BMAL2: variants seen among roughly 807,000 people sequenced by gnomAD.
The protein encoded by BMAL2 is basic helix-loop-helix ARNT like 2.
the BMAL2 span, among the ~76,000 whole-genome samples, chr12:27,397,763 C>T: frequency 6.6e-6 from 1 of 152,148 alleles, no homozygotes; most frequent in African/African-American, 2.4e-5. Flanking sequence ...AAATCGCAGG[C>T]TGATGAAGGA....
At chr12:27,336,911 C>T in the BMAL2 span, among the ~76,000 whole-genome samples, 27 of 142,900 alleles carry the variant, frequency 1.9e-4, no homozygotes, top group Non-Finnish European at 7.5e-5. Flanking sequence ...GATCATTCCA[C>T]TGCACTCCAG....
At chr12:27,418,240 A>AC in the BMAL2 span, 4 of 1,294,614 alleles carry the variant, frequency 3.1e-6, no homozygotes, top group Non-Finnish European at 4.4e-6. Context: ...GTTTATCAAA[A>AC]CCCCCCTCTT....
At chr12:27,421,646 T>C in the BMAL2 span, 2 of 152,102 alleles carry the variant, frequency 1.3e-5, 1 homozygote, top group African/African-American at 4.8e-5. Context: ...AAAGATTTAA[T>C]ATAATCACTG....
the BMAL2 span, chr12:27,421,036 A>G: frequency 2.0e-5 from 3 of 152,954 alleles, no homozygotes; most frequent in South Asian, 6.2e-4. Context: ...AGTGCAATTT[A>G]TAGTCATAAT....
chr12:27,347,512 G>T, the BMAL2 span, among the ~76,000 whole-genome samples: 1 of 152,096 alleles, frequency 6.6e-6, no homozygotes, highest in Admixed American at 6.5e-5. Flanking sequence ...CACAGTAGGT[G>T]CTTGAGGAAT....
At chr12:27,418,223 C>A in the BMAL2 span, 1 of 1,517,770 alleles carries the variant, frequency 6.6e-7, no homozygotes, top group Non-Finnish European at 9.0e-7. Context: ...AACTGCTGAC[C>A]ATTTTCGTTT....
chr12:27,397,175 G>A, the BMAL2 span, among the ~76,000 whole-genome samples: 1 of 152,004 alleles, frequency 6.6e-6, no homozygotes, highest in African/African-American at 2.4e-5. Context: ...GGTTCAAGCC[G>A]TTCTCCTGCT....
the BMAL2 span, among the ~76,000 whole-genome samples, chr12:27,399,065 G>C: frequency 6.6e-6 from 1 of 152,254 alleles, no homozygotes; most frequent in Non-Finnish European, 1.5e-5. Flanking sequence ...GACTGGGTTT[G>C]GGTTGGAAGA....
chr12:27,361,185 A>G, the BMAL2 span, among the ~76,000 whole-genome samples: 9 of 152,288 alleles, frequency 5.9e-5, no homozygotes, highest in East Asian at 1.7e-3. Flanking sequence ...CCCATTTGTA[A>G]CTATGAGCCT....
chr12:27,389,349 T>C, the BMAL2 span: 182 of 1,245,664 alleles, frequency 1.5e-4, 1 homozygote, highest in East Asian at 3.2e-3. Flanking sequence ...AATGATCACC[T>C]AAAAGTTTAG....
At chr12:27,399,614 A>T in the BMAL2 span, among the ~76,000 whole-genome samples, 1 of 152,252 alleles carries the variant, frequency 6.6e-6, no homozygotes, top group Non-Finnish European at 1.5e-5. Flanking sequence ...GACAGTTCAT[A>T]TCATGTTCTA....
At chr12:27,416,868 C>G in the BMAL2 span, among the ~76,000 whole-genome samples, 3 of 152,172 alleles carry the variant, frequency 2.0e-5, no homozygotes, top group African/African-American at 7.2e-5. Context: ...GAGGCTGAGT[C>G]AGGAGGATCA....
At chr12:27,350,510 G>A in the BMAL2 span, among the ~76,000 whole-genome samples, 1 of 152,148 alleles carries the variant, frequency 6.6e-6, no homozygotes, top group Non-Finnish European at 1.5e-5. Flanking sequence ...GCTCAACAAG[G>A]TCTTGTATCT....
chr12:27,365,923 T>G, the BMAL2 span, among the ~76,000 whole-genome samples: 2 of 151,894 alleles, frequency 1.3e-5, no homozygotes, highest in Non-Finnish European at 2.9e-5. Context: ...ATTTCTTAAA[T>G]TATTTACTTA....
chr12:27,425,132 T>G, the BMAL2 span: 1 of 152,206 alleles, frequency 6.6e-6, no homozygotes, highest in Admixed American at 6.5e-5. Flanking sequence ...AGATTTGTCT[T>G]TTATACAATT....
At chr12:27,333,358 T>C in the BMAL2 span, among the ~76,000 whole-genome samples, 6 of 151,868 alleles carry the variant, frequency 4.0e-5, no homozygotes, top group African/African-American at 1.5e-4. Flanking sequence ...CCGCCGGCGC[T>C]CAGGACGCGG....
At chr12:27,387,282 G>T in the BMAL2 span, 1 of 1,611,848 alleles carries the variant, frequency 6.2e-7, no homozygotes. Context: ...AATTCTCTTC[G>T]TTTCTAAGTC....
At chr12:27,385,816 A>G in the BMAL2 span, among the ~76,000 whole-genome samples, 1 of 152,060 alleles carries the variant, frequency 6.6e-6, no homozygotes, top group Non-Finnish European at 1.5e-5. Context: ...ATTTTATACT[A>G]CCCATCTCTC....
chr12:27,362,836 C>G, the BMAL2 span, among the ~76,000 whole-genome samples: 2 of 151,970 alleles, frequency 1.3e-5, no homozygotes, highest in Non-Finnish European at 2.9e-5. Context: ...TTTTAGAAGA[C>G]AGGGTCTCAC....
Sources: gnomAD v4.1 joint callset for allele counts (sites outside exome capture counted in the v4.1 genomes callset) on GRCh38, gnomAD v4.1.1 for gene constraint, MANE v1.5 for transcripts, NCBI Gene and HGNC (gene_info 2026-07-23, HGNC 2026-07-21) for gene names.